Variants in RGS12 observed in about 807,000 individuals in gnomAD.
RGS12 encodes the protein regulator of G-protein signaling 12.
A neutral mutation model predicts 120.1 loss-of-function variants in RGS12; 66 were observed. That is an observed-to-expected ratio of 0.55 (90% CI 0.45 to 0.67). The LOEUF is 0.67. Among genes scored for constraint, RGS12 ranks in the 30% least tolerant of loss-of-function variants. RGS12 has a pLI of 0.00. For missense variants in RGS12, 1,859 were observed against 1,957.7 expected (o/e 0.95, Z 0.95); for synonymous variants, 827 against 804.7 (o/e 1.03, Z -0.47).
chr4:3,423,611 C>T lies in RGS12; in HGVS notation c.3204C>T (p.Gly1068=). The T allele has an allele frequency of 1.2e-6, 2 of 1,611,128 alleles. No individual in the cohort carries two copies. The stretch of plus-strand genomic sequence containing the variant: ...TGCGGCCCGTGGTGGCCAGATACGG[C>T]CTGGACCTCAGTGGCCTGCTGGTGA... ...EVLRPVVARY[G]LDLSGLLVRL... The change falls in exon 13 of 18, where the codon GGC becomes GGT. Residue 1068 remains glycine (G), a synonymous_variant. Transcript: ENST00000336727.
chr4:3,379,766 G>C (rs1718075031), intron 3 of RGS12, among the ~76,000 whole-genome samples: 1 of 152,068 alleles, frequency 6.6e-6, no homozygotes, highest in Non-Finnish European at 1.5e-5. Flanking sequence ...ATCACCAGGG[G>C]GTAACTGCCC....
intron 1 of RGS12, among the ~76,000 whole-genome samples, chr4:3,301,028 G>A (rs150017433): frequency 2.6e-4 from 39 of 152,224 alleles, no homozygotes; most frequent in African/African-American, 7.2e-4. Flanking sequence ...GAGCCTCCCC[G>A]GCTGCCCTCC....
At chr4:3,309,343 C>T (rs66852340) in intron 1 of RGS12, among the ~76,000 whole-genome samples, 25,992 of 126,916 alleles carry the variant, frequency 0.2, 2,707 homozygotes, top group Middle Eastern at 0.3. Flanking sequence ...AGCTGGGATC[C>T]GGGAATGGCA....
At chr4:3,406,876 G>T (rs1030509557) in intron 4 of RGS12, among the ~76,000 whole-genome samples, 1 of 152,190 alleles carries the variant, frequency 6.6e-6, no homozygotes, top group Non-Finnish European at 1.5e-5. Flanking sequence ...TATTTTGCTT[G>T]GTTGTAAAAA....
At chr4:3,416,467 C>A (rs1286300397) in intron 7 of RGS12, among the ~76,000 whole-genome samples, 1 of 152,196 alleles carries the variant, frequency 6.6e-6, no homozygotes, top group Non-Finnish European at 1.5e-5. Flanking sequence ...TAGGACATTG[C>A]TGTGGTCATG....
chr4:3,313,540 T>G (rs1724542690), intron 1 of RGS12, among the ~76,000 whole-genome samples: 1 of 152,180 alleles, frequency 6.6e-6, no homozygotes, highest in Non-Finnish European at 1.5e-5. Context: ...TACTGCAAAC[T>G]GGGGGGCTTA....
chr4:3,432,998 T>C (rs1237820910), intron 17 of RGS12, among the ~76,000 whole-genome samples: 4 of 152,226 alleles, frequency 2.6e-5, no homozygotes, highest in Non-Finnish European at 5.9e-5. Flanking sequence ...CTGTGCAGCT[T>C]GCTTCTGGAA....
rs143535053 is a variant in RGS12 at position 3,326,722 on chromosome 4, C to A, written c.1881+8671C>A. Among the ~76,000 whole-genome samples the A allele has an allele frequency of 6.0e-4, 92 of 152,102 alleles. No homozygotes were observed. The East Asian group carries it at 0.015, about 25-fold the overall frequency. On this transcript the variant is annotated intron_variant, in intron 2 of 17. Transcript: ENST00000336727. ...GAAGCAATCCCATTTACAATAACTACAAAAATAAAATACCTAGGTATCAAT... is the reference window on the plus strand; with the variant it reads ...GAAGCAATCCCATTTACAATAACTAAAAAAATAAAATACCTAGGTATCAAT...
At chr4:3,439,375 G>C in intron 17 of RGS12, 80 bp from the exon 18 acceptor site, 1 of 1,381,302 alleles carries the variant, frequency 7.2e-7, no homozygotes, top group Non-Finnish European at 1.0e-6. Flanking sequence ...GTCTGTGCAG[G>C]GGCCTTCGGG....
At chr4:3,376,902 G>A (rs561464457) in intron 3 of RGS12, among the ~76,000 whole-genome samples, 24 of 152,328 alleles carry the variant, frequency 1.6e-4, no homozygotes, top group African/African-American at 4.6e-4. Context: ...AGCCTCTGGC[G>A]TGGATGCTGT....
At chr4:3,326,554 A>T (rs1725567653) in intron 2 of RGS12, among the ~76,000 whole-genome samples, 1 of 152,222 alleles carries the variant, frequency 6.6e-6, no homozygotes, top group Non-Finnish European at 1.5e-5. Context: ...ATGTGATCTT[A>T]TATCTAGAAA....
At chr4:3,414,414 G>T in intron 5 of RGS12, 173 bp downstream of exon 5, 1 of 736,916 alleles carries the variant, frequency 1.4e-6, no homozygotes. Flanking sequence ...GAGGAGGGTG[G>T]GTTGAATCCT....
chr4:3,391,453 G>A (rs373719730), intron 4 of RGS12, among the ~76,000 whole-genome samples: 18 of 152,280 alleles, frequency 1.2e-4, no homozygotes, highest in African/African-American at 3.4e-4. Context: ...CAGAGTTAAC[G>A]TGTGCTAGCC....
rs370822368 is a variant in RGS12, at chr4:3,317,565, C to T, written c.1395C>T (p.Ala465=). The T allele has an allele frequency of 1.9e-6, 3 of 1,606,584 alleles. No homozygotes were observed. In the African/African-American group the frequency reaches 4.0e-5, roughly 21 times the overall value. Residue 465 remains alanine, a synonymous_variant, in exon 2 of 18, where the codon GCC becomes GCT. Coordinates refer to ENST00000336727, the MANE Select transcript of RGS12 (RefSeq NM_001394154.1). ...SAWDGVGGRG[A]QPWGAPWTGP... is the part of the protein sequence containing the mutation. Reference sequence around the variant, plus strand: ...GGGACGGTGTGGGTGGGAGGGGTGCCCAGCCCTGGGGTGCTCCCTGGACTG... The same window carrying T: ...GGGACGGTGTGGGTGGGAGGGGTGCTCAGCCCTGGGGTGCTCCCTGGACTG...
intron 4 of RGS12, among the ~76,000 whole-genome samples, chr4:3,394,640 T>G (rs1719866194): frequency 6.6e-6 from 1 of 152,236 alleles, no homozygotes; most frequent in African/African-American, 2.4e-5. Context: ...TTGTTGCAAT[T>G]GTTTTTCAAG....
intron 4 of RGS12, among the ~76,000 whole-genome samples, chr4:3,399,082 T>TAG (rs1253952294): frequency 6.6e-6 from 1 of 152,206 alleles, no homozygotes; most frequent in African/African-American, 2.4e-5. Context: ...TCATACAGTT[T>TAG]AGAACCATTT....
intron 4 of RGS12, among the ~76,000 whole-genome samples, chr4:3,405,538 C>T (rs1577058023): frequency 6.6e-6 from 1 of 152,138 alleles, no homozygotes; most frequent in South Asian, 2.1e-4. Context: ...CTGAGTTCCA[C>T]CCTGCTCTGG....
At chr4:3,342,638 C>T in intron 2 of RGS12, 1 of 1,258,502 alleles carries the variant, frequency 7.9e-7, no homozygotes, top group Non-Finnish European at 1.1e-6. Context: ...GGGTAACAGC[C>T]TTGTGGGTGG....
At chr4:3,361,658 C>T (rs921746629) in intron 3 of RGS12, among the ~76,000 whole-genome samples, 1 of 152,112 alleles carries the variant, frequency 6.6e-6, no homozygotes, top group African/African-American at 2.4e-5. Flanking sequence ...TGGAGGAGCT[C>T]CCGAGGCAAG....
Sources: gnomAD v4.1 joint callset for allele counts (sites outside exome capture counted in the v4.1 genomes callset) on GRCh38, gnomAD v4.1.1 for gene constraint, MANE v1.5 for transcripts, NCBI Gene and HGNC (gene_info 2026-07-23, HGNC 2026-07-21) for gene names.